PCSK5: variants seen among roughly 807,000 people sequenced by gnomAD.
PCSK5 encodes the protein proprotein convertase subtilisin/kexin type 5, also known as prohormone convertase 5.
Under a neutral mutation model 233.2 loss-of-function variants are expected in PCSK5, and 129 were observed. The ratio of observed to expected loss-of-function variants is 0.55; its 90% CI spans 0.48 to 0.64. PCSK5 has a LOEUF of 0.64. Ranked by LOEUF, PCSK5 falls within the 30% of genes least tolerant of loss-of-function variation. The pLI is 0.00. For synonymous variants in PCSK5, 825 were observed against 879.2 expected (o/e 0.94, Z 1.09); for missense variants, 2,076 against 2,430.1 (o/e 0.85, Z 3.06).
At chr9:76,313,005 A>G (rs933793105) in intron 30 of PCSK5, among the ~76,000 whole-genome samples, 1 of 152,108 alleles carries the variant, frequency 6.6e-6, no homozygotes, top group Non-Finnish European at 1.5e-5. Context: ...TTAAATCACT[A>G]TTTTTTGAAT....
chr9:76,245,286 T>A (rs1826554407), intron 24 of PCSK5, among the ~76,000 whole-genome samples: 1 of 152,184 alleles, frequency 6.6e-6, no homozygotes, highest in African/African-American at 2.4e-5. Flanking sequence ...TATTTGCAGA[T>A]TGAAATGGCT....
chr9:76,054,108 C>G (rs982761681), intron 5 of PCSK5, among the ~76,000 whole-genome samples: 1 of 152,088 alleles, frequency 6.6e-6, no homozygotes, highest in African/African-American at 2.4e-5. Flanking sequence ...CATCAGCTCT[C>G]ATAAGACTTA....
At chr9:76,307,200 C>T (rs1564169703) in intron 28 of PCSK5, among the ~76,000 whole-genome samples, 1 of 152,136 alleles carries the variant, frequency 6.6e-6, no homozygotes, top group Non-Finnish European at 1.5e-5. Flanking sequence ...GTTACCCTAC[C>T]CTTCGGCGGC....
At chr9:76,355,394 A>AC (rs1830274977) in intron 37 of PCSK5, among the ~76,000 whole-genome samples, 1 of 151,922 alleles carries the variant, frequency 6.6e-6, no homozygotes, top group South Asian at 2.1e-4. Context: ...AATGGCGTGA[A>AC]CCCGGGAGGC....
rs551014897 is a variant in PCSK5, at chr9:76,174,805, T to C, written c.1757-181T>C. On this transcript the variant is annotated intron_variant, in intron 13 of 37. Transcript: ENST00000674117. ...CAGTCAATATGTGGTATGTGAATTA[T>C]TAAATAATTCTGCAGATGACGAGAA... 1.3e-5 allele frequency among the ~76,000 whole-genome samples: 2 copies of C among 152,332 alleles called. 1 individual carries two copies. Among genetic ancestry groups the C allele is most frequent in the South Asian group, 4.1e-4 (2 of 4,824 alleles).
intron 29 of PCSK5, among the ~76,000 whole-genome samples, chr9:76,310,247 CAAA>C (rs766099144): frequency 9.0e-6 from 1 of 110,500 alleles, no homozygotes; most frequent in Non-Finnish European, 1.9e-5. Flanking sequence ...GACTCCTTCT[CAAA>C]AAAAAAAAAA....
chr9:76,178,988 T>A (rs971968945), intron 14 of PCSK5, among the ~76,000 whole-genome samples: 2 of 152,190 alleles, frequency 1.3e-5, no homozygotes, highest in African/African-American at 4.8e-5. Flanking sequence ...GCGTTTTTTT[T>A]AAATTTATAT....
intron 1 of PCSK5, among the ~76,000 whole-genome samples, chr9:75,903,598 T>TATAA (rs1369330438): frequency 4.2e-5 from 6 of 141,580 alleles, no homozygotes; most frequent in African/African-American, 1.6e-4. Context: ...AAAATATATA[T>TATAA]TATATATATA....
intron 5 of PCSK5, among the ~76,000 whole-genome samples, chr9:76,065,384 T>C (rs1830249684): frequency 6.6e-6 from 1 of 152,232 alleles, no homozygotes; most frequent in Non-Finnish European, 1.5e-5. Flanking sequence ...TATCTCGTGG[T>C]GGCTGATTTG....
rs1321959064 is a variant in PCSK5, at chr9:76,282,412, G to A, written c.3143-9821G>A. 2.1e-4 allele frequency among the ~76,000 whole-genome samples: 28 copies of A among 135,690 alleles called. 1 individual carries two copies. The highest frequency in any genetic ancestry group is 3.7e-4 in the Non-Finnish European group (24 of 65,024). 89.0% of individuals were successfully genotyped at this position (135,690 alleles called of 152,430 possible). On this transcript the variant is annotated intron_variant, in intron 24 of 37. Coordinates refer to ENST00000674117, the MANE Select transcript of PCSK5 (RefSeq NM_001372043.1). Reference sequence around the variant, plus strand: ...TTGACTCACTGCAGCCTTGACCTCCGAGGCTAACGCAATCCTCCCACCTCA... The same window carrying A: ...TTGACTCACTGCAGCCTTGACCTCCAAGGCTAACGCAATCCTCCCACCTCA...
chr9:76,044,335 T>C (rs1829287325), intron 5 of PCSK5, among the ~76,000 whole-genome samples: 2 of 152,180 alleles, frequency 1.3e-5, no homozygotes, highest in Non-Finnish European at 2.9e-5. Flanking sequence ...TATGAGGAGA[T>C]TAGAATTAAT....
intron 3 of PCSK5, among the ~76,000 whole-genome samples, chr9:76,001,468 C>CTTTTTTTTTT (rs34379742): frequency 1.1e-5 from 1 of 87,136 alleles, no homozygotes; most frequent in African/African-American, 4.6e-5. Flanking sequence ...ACCATCATAG[C>CTTTTTTTTTT]TTTTTTTTTT....
At chr9:76,116,970 G>A (rs545416327) in intron 9 of PCSK5, among the ~76,000 whole-genome samples, 61 of 150,714 alleles carry the variant, frequency 4.0e-4, no homozygotes, top group Non-Finnish European at 7.7e-4. Context: ...TCAGGTATCT[G>A]TAGTTAGTGA....
intron 5 of PCSK5, among the ~76,000 whole-genome samples, chr9:76,066,795 T>C (rs1830303973): frequency 6.6e-6 from 1 of 152,080 alleles, no homozygotes; most frequent in African/African-American, 2.4e-5. Flanking sequence ...GCACAGAGAG[T>C]AGTGGTCTGA....
chr9:76,030,025 G>A (rs1472868262), intron 5 of PCSK5, among the ~76,000 whole-genome samples: 1 of 152,058 alleles, frequency 6.6e-6, no homozygotes, highest in African/African-American at 2.4e-5. Context: ...AAATTAGGTA[G>A]AGAGAAACAA....
intron 20 of PCSK5, among the ~76,000 whole-genome samples, chr9:76,225,955 T>C (rs13287119): frequency 0.084 from 12,784 of 152,252 alleles, 703 homozygotes; most frequent in Admixed American, 0.14. Flanking sequence ...TGCATACCTG[T>C]TGGTATGCCT....
chr9:76,355,090 T>C (rs1206341493), intron 37 of PCSK5, among the ~76,000 whole-genome samples: 7 of 152,172 alleles, frequency 4.6e-5, no homozygotes, highest in Non-Finnish European at 1.0e-4. Flanking sequence ...GTCCCTCAGC[T>C]ATCCTCACGT....
At chr9:76,240,524 A>C (rs1441664317) in intron 23 of PCSK5, 92 bp from the exon 24 acceptor site, 7 of 899,590 alleles carry the variant, frequency 7.8e-6, no homozygotes, top group Non-Finnish European at 1.3e-5. Context: ...ATTTACTTTA[A>C]AATAAGCTAC....
At chr9:75,974,131 T>C (rs1234648031) in intron 2 of PCSK5, among the ~76,000 whole-genome samples, 2 of 152,116 alleles carry the variant, frequency 1.3e-5, no homozygotes, top group Non-Finnish European at 2.9e-5. Flanking sequence ...GTGGTGGGCA[T>C]GGATTACGTG....
Sources: allele counts gnomAD v4.1 joint callset (sites outside exome capture counted in the v4.1 genomes callset), GRCh38; gene constraint gnomAD v4.1.1; transcripts MANE v1.5; gene names NCBI Gene and HGNC (gene_info 2026-07-23, HGNC 2026-07-21).